The following SOX5 variants were observed in gnomAD, a reference collection of about 807,000 sequenced individuals.
SOX5 encodes the protein transcription factor SOX-5.
A neutral mutation model predicts 92.0 loss-of-function variants in SOX5; 9 were observed. That is an observed-to-expected ratio of 0.10 (90% CI 0.06 to 0.17). The LOEUF is 0.17. Among genes scored for constraint, SOX5 ranks in the 10% least tolerant of loss-of-function variants. SOX5 has a pLI of 1.00. For missense variants in SOX5, 642 were observed against 944.5 expected (o/e 0.68, Z 4.20); for synonymous variants, 344 against 336.3 (o/e 1.02, Z -0.25).
chr12:23,572,711 TG>T (rs1390539585), intron 10 of SOX5, among the ~76,000 whole-genome samples: 1 of 152,204 alleles, frequency 6.6e-6, no homozygotes, highest in Non-Finnish European at 1.5e-5. Flanking sequence ...TGATAGTGAA[TG>T]ATTCTTGCCA....
rs566786039 is a variant in SOX5 at position 23,734,665 on chromosome 12, T to A, written c.810+19A>T. On this transcript the variant is annotated intron_variant, in intron 6 of 14. Coordinates refer to ENST00000451604, the MANE Select transcript of SOX5 (RefSeq NM_006940.6). ...TATATTTTTTAAATTGTAAGTATAT[T>A]GAAATTATGATTTCTGACCTGGATC... 56 of 1,575,854 alleles carry A rather than the reference T, an allele frequency of 3.6e-5. No individual in the cohort carries two copies. In the East Asian group the frequency reaches 1.1e-3, roughly 30 times the overall value.
chr12:23,726,162 AGAGAGAGAGAGAGG>A (rs1186875096), intron 6 of SOX5, among the ~76,000 whole-genome samples: 2 of 60,142 alleles, frequency 3.3e-5, no homozygotes, highest in African/African-American at 6.5e-5. Flanking sequence ...AGAGAGAGAG[AGAGAGAGAGAGAGG>A]TCAGTTTCTC....
intron 8 of SOX5, among the ~76,000 whole-genome samples, chr12:23,618,835 A>C (rs2076856553): frequency 6.6e-6 from 1 of 152,188 alleles, no homozygotes; most frequent in Admixed American, 6.6e-5. Context: ...GATTAAATTC[A>C]TCTCTTTTGC....
At chr12:24,346,295 C>A (rs1365476742) in intron 2 of SOX5, among the ~76,000 whole-genome samples, 3 of 152,048 alleles carry the variant, frequency 2.0e-5, no homozygotes, top group Non-Finnish European at 4.4e-5. Flanking sequence ...CCAAGCTGAA[C>A]CTTGAATAGC....
rs149884073 is a variant in SOX5 at position 24,070,698 on chromosome 12, T to C, written c.-2+142645A>G. Among the ~76,000 whole-genome samples, 339 of 152,318 alleles carry C rather than the reference T, an allele frequency of 2.2e-3. 1 individual carries two copies. The highest frequency in any genetic ancestry group is 7.8e-3 in the African/African-American group (323 of 41,570). ...ATAAAAATGTAATATGGTATTTATG[T>C]TTAGGGAAGAGAACAAACATTTTTA... On this transcript the variant is annotated intron_variant, in intron 4 of 4. Transcript: ENST00000446891.
intron 4 of SOX5, among the ~76,000 whole-genome samples, chr12:24,184,513 A>G (rs61909873): frequency 0.13 from 19,443 of 152,150 alleles, 1,358 homozygotes; most frequent in African/African-American, 0.16. Flanking sequence ...ATATGAATAA[A>G]CATCATGTTA....
At chr12:23,857,375 AAACTGTTACCATGACACATATGT>A (rs2096704728) in intron 2 of SOX5, among the ~76,000 whole-genome samples, 1 of 152,166 alleles carries the variant, frequency 6.6e-6, no homozygotes, top group Non-Finnish European at 1.5e-5. Context: ...ACTGAATAGG[AAACTGTTACCATGACACATATGT>A]GACAATAAAA....
At chr12:23,759,305 G>A (rs2094501690) in intron 3 of SOX5, among the ~76,000 whole-genome samples, 1 of 151,902 alleles carries the variant, frequency 6.6e-6, no homozygotes, top group African/African-American at 2.4e-5. Flanking sequence ...TAAGTATATA[G>A]CAGAGATATA....
chr12:24,425,720 G>A (rs1438945485), intron 1 of SOX5, among the ~76,000 whole-genome samples: 1 of 152,150 alleles, frequency 6.6e-6, no homozygotes, highest in Non-Finnish European at 1.5e-5. Flanking sequence ...TGTCTTTCAA[G>A]TCACCGGGCT....
intron 8 of SOX5, among the ~76,000 whole-genome samples, chr12:23,623,940 G>A (rs563498687): frequency 1.3e-5 from 2 of 152,202 alleles, no homozygotes; most frequent in Admixed American, 6.6e-5. Context: ...TAACTCAAAC[G>A]TCCATAGATG....
chr12:24,012,507 A>G (rs1312804447), intron 4 of SOX5, among the ~76,000 whole-genome samples: 1 of 152,194 alleles, frequency 6.6e-6, no homozygotes, highest in Non-Finnish European at 1.5e-5. Flanking sequence ...AGATAATTTT[A>G]AAGTGAAGGA....
chr12:24,326,887 C>T (rs1158543127), intron 2 of SOX5, among the ~76,000 whole-genome samples: 1 of 152,000 alleles, frequency 6.6e-6, no homozygotes, highest in Non-Finnish European at 1.5e-5. Flanking sequence ...CACTCTCTGC[C>T]TTTTTTACTT....
rs1304369603 is a variant in SOX5 at position 23,874,436 on chromosome 12, G to A, written c.270+21357C>T. ...AACCTTGGTGCTCTTAGAAATCTCTGTGACTTTTGAGGGAAGCCCAATTAA... is the reference window on the plus strand; with the variant it reads ...AACCTTGGTGCTCTTAGAAATCTCTATGACTTTTGAGGGAAGCCCAATTAA... On this transcript the variant is annotated intron_variant, in intron 2 of 14. Coordinates refer to ENST00000451604, the MANE Select transcript of SOX5 (RefSeq NM_006940.6). Among the ~76,000 whole-genome samples the A allele has an allele frequency of 5.3e-5, 8 of 152,184 alleles. No homozygotes were observed. The East Asian group carries it at 1.4e-3, about 26-fold the overall frequency.
At chr12:24,186,786 G>A (rs1310441235) in intron 4 of SOX5, among the ~76,000 whole-genome samples, 1 of 151,874 alleles carries the variant, frequency 6.6e-6, no homozygotes, top group Non-Finnish European at 1.5e-5. Flanking sequence ...TTAAAACAAA[G>A]ACTATATGCC....
At chr12:24,180,768 A>G (rs1295227827) in intron 4 of SOX5, among the ~76,000 whole-genome samples, 7 of 152,372 alleles carry the variant, frequency 4.6e-5, no homozygotes, top group African/African-American at 1.7e-4. Flanking sequence ...ACTGTACATT[A>G]TACTTCAGTT....
At chr12:24,291,722 T>C (rs537826223) in intron 2 of SOX5, among the ~76,000 whole-genome samples, 2 of 152,312 alleles carry the variant, frequency 1.3e-5, no homozygotes, top group South Asian at 4.1e-4. Context: ...TAGTTAATAC[T>C]TGGAATTAGA....
At chr12:24,517,206 C>A (rs934918954) in intron 1 of SOX5, among the ~76,000 whole-genome samples, 1 of 152,184 alleles carries the variant, frequency 6.6e-6, no homozygotes, top group Non-Finnish European at 1.5e-5. Flanking sequence ...TCCCTTGCTG[C>A]CTCTTGACCA....
intron 6 of SOX5, among the ~76,000 whole-genome samples, chr12:23,733,951 G>T (rs1026496907): frequency 6.6e-6 from 1 of 152,064 alleles, no homozygotes; most frequent in African/African-American, 2.4e-5. Context: ...CTTTATCCAT[G>T]ATTTCTTTTA....
chr12:24,549,022 A>T (rs1415741585), intron 1 of SOX5, among the ~76,000 whole-genome samples: 2 of 152,028 alleles, frequency 1.3e-5, no homozygotes, highest in East Asian at 3.9e-4. Context: ...TGCCCTTCTA[A>T]TTCTAAGAAC....
Sources: allele counts gnomAD v4.1 joint callset (sites outside exome capture counted in the v4.1 genomes callset), GRCh38; gene constraint gnomAD v4.1.1; transcripts MANE v1.5; gene names NCBI Gene and HGNC (gene_info 2026-07-23, HGNC 2026-07-21).